Variants in CDH13 observed in about 807,000 individuals in gnomAD.
The protein encoded by CDH13 is cadherin 13.
CDH13 carries 24 observed loss-of-function variants against 63.8 expected under a neutral mutation model. The ratio of observed to expected loss-of-function variants is 0.38; its 90% CI spans 0.27 to 0.53. The LOEUF is 0.53. CDH13 is among the 20% of genes least tolerant of loss of function. The probability of loss-of-function intolerance (pLI) is 0.85; values close to 1 mark genes in which losing one functional copy is unlikely to be tolerated. For missense variants in CDH13, 1,049 were observed against 903.1 expected (o/e 1.16, Z -2.07); for synonymous variants, 503 against 355.3 (o/e 1.42, Z -4.67).
chr16:83,252,834 A>T (rs1187433671), intron 5 of CDH13, among the ~76,000 whole-genome samples: 1 of 152,130 alleles, frequency 6.6e-6, no homozygotes, highest in Non-Finnish European at 1.5e-5. Flanking sequence ...CCAAAAATCC[A>T]TACCATCAAG....
chr16:82,770,824 C>T (rs879723139), intron 1 of CDH13, among the ~76,000 whole-genome samples: 1 of 152,164 alleles, frequency 6.6e-6, no homozygotes, highest in Admixed American at 6.5e-5. Flanking sequence ...TCGCCTGCCT[C>T]AGCCTCCCGA....
intron 2 of CDH13, among the ~76,000 whole-genome samples, chr16:82,890,645 A>G (rs1264692233): frequency 1.5e-5 from 2 of 133,656 alleles, no homozygotes; most frequent in East Asian, 4.8e-4. Flanking sequence ...AGCATGAGAG[A>G]CATTCTTTTT....
Position 83,191,542 on chromosome 16 carries a change from T to C in CDH13, c.484-25803T>C, listed in dbSNP as rs1343840778. On this transcript the variant is annotated intron_variant, in intron 4 of 13. Coordinates refer to ENST00000567109, the MANE Select transcript of CDH13 (RefSeq NM_001257.5). ...ACACACACACACACATATATATATA[T>C]ATATATATATATATACACACACACA... 1.5e-3 allele frequency among the ~76,000 whole-genome samples: 208 copies of C among 139,440 alleles called. 1 individual carries two copies. The highest frequency in any genetic ancestry group is 4.6e-3 in the South Asian group (20 of 4,354). 91.5% of individuals were successfully genotyped at this position (139,440 alleles called of 152,430 possible).
intron 2 of CDH13, among the ~76,000 whole-genome samples, chr16:82,892,648 C>G (rs1356207289): frequency 1.3e-5 from 2 of 152,150 alleles, no homozygotes; most frequent in African/African-American, 4.8e-5. Context: ...AGAAGTATAA[C>G]AAAACCACTG....
chr16:82,991,546 C>G (rs958545196), intron 2 of CDH13, among the ~76,000 whole-genome samples: 2 of 152,204 alleles, frequency 1.3e-5, no homozygotes, highest in Middle Eastern at 3.4e-3. Context: ...TATAAAACAA[C>G]CAGACTACTG....
chr16:82,809,202 T>C (rs1010223905), intron 1 of CDH13, among the ~76,000 whole-genome samples: 23 of 152,150 alleles, frequency 1.5e-4, no homozygotes, highest in African/African-American at 4.6e-4. Flanking sequence ...CTGTCACCAG[T>C]GTTTCGTGTC....
intron 11 of CDH13, among the ~76,000 whole-genome samples, chr16:83,761,472 A>G (rs901461204): frequency 6.6e-6 from 1 of 152,228 alleles, no homozygotes; most frequent in South Asian, 2.1e-4. Context: ...ACTCCAGCGC[A>G]GGCATGTAGT....
chr16:83,022,463 G>A (rs1290031084), intron 2 of CDH13, among the ~76,000 whole-genome samples: 1 of 152,200 alleles, frequency 6.6e-6, no homozygotes, highest in Non-Finnish European at 1.5e-5. Context: ...AAAGTTGCAA[G>A]CCAACTGAAG....
intron 7 of CDH13, among the ~76,000 whole-genome samples, chr16:83,530,720 C>A (rs1428286227): frequency 6.6e-6 from 1 of 152,214 alleles, no homozygotes; most frequent in Non-Finnish European, 1.5e-5. Flanking sequence ...CTGAGGTTCA[C>A]AGAGGGACAG....
At chr16:83,610,628 A>G (rs1271246466) in intron 8 of CDH13, among the ~76,000 whole-genome samples, 1 of 152,132 alleles carries the variant, frequency 6.6e-6, no homozygotes, top group East Asian at 1.9e-4. Flanking sequence ...AACTTTTGTG[A>G]GACTTATCTA....
intron 1 of CDH13, among the ~76,000 whole-genome samples, chr16:82,687,934 C>T (rs1319542319): frequency 6.6e-6 from 1 of 152,154 alleles, no homozygotes; most frequent in Non-Finnish European, 1.5e-5. Flanking sequence ...TGGACTCAGA[C>T]ATGCTTGGGA....
At position 83,036,604 on chromosome 16, in the gene CDH13, C is replaced by A. The variant is rs137957141; in HGVS notation, c.366+4386C>A. ...TTGTCAGGACCAGCTCAGTGCCCTT[C>A]CCACTTTCCCTCTTCCCGTGGCTGA... On this transcript the variant is annotated intron_variant, in intron 3 of 13. Transcript: ENST00000567109. Among the ~76,000 whole-genome samples, 414 of 152,262 alleles carry A rather than the reference C, an allele frequency of 2.7e-3. 1 individual carries two copies. Among genetic ancestry groups the A allele is most frequent in the African/African-American group, 9.1e-3 (377 of 41,558 alleles).
intron 10 of CDH13, among the ~76,000 whole-genome samples, chr16:83,696,505 G>C (rs2150900879): frequency 6.6e-6 from 1 of 152,310 alleles, no homozygotes; most frequent in South Asian, 2.1e-4. Context: ...ACTCCCACCA[G>C]GGAGTTCACT....
intron 1 of CDH13, among the ~76,000 whole-genome samples, chr16:82,700,723 C>A (rs1428523155): frequency 6.6e-6 from 1 of 151,962 alleles, no homozygotes; most frequent in African/African-American, 2.4e-5. Flanking sequence ...TGAGTCTCAC[C>A]CTCCTCTTTG....
chr16:82,696,966 G>A (rs570913885), intron 1 of CDH13, among the ~76,000 whole-genome samples: 1 of 152,266 alleles, frequency 6.6e-6, no homozygotes, highest in African/African-American at 2.4e-5. Flanking sequence ...CTCTGCATAG[G>A]ACTCTTAAGG....
At position 83,323,218 on chromosome 16, in the gene CDH13, C is replaced by T. The variant is rs868589050; in HGVS notation, c.637-21644C>T. 8.7e-4 allele frequency among the ~76,000 whole-genome samples: 125 copies of T among 143,292 alleles called. 1 individual carries two copies. The highest frequency in any genetic ancestry group is 3.2e-3 in the African/African-American group (123 of 37,992). 94.0% of individuals were successfully genotyped at this position (143,292 alleles called of 152,430 possible). On this transcript the variant is annotated intron_variant, in intron 5 of 13. Transcript: ENST00000567109. Reference sequence around the variant, plus strand: ...TCTTTCTTTCTTTCTTTCTTTCTTTCTTTCTTTCTTTCTTTCTTTCTTTCC... The same window carrying T: ...TCTTTCTTTCTTTCTTTCTTTCTTTTTTTCTTTCTTTCTTTCTTTCTTTCC...
At chr16:83,666,543 G>A (rs2150847386) in intron 8 of CDH13, among the ~76,000 whole-genome samples, 1 of 152,264 alleles carries the variant, frequency 6.6e-6, no homozygotes, top group African/African-American at 2.4e-5. Context: ...CCTTCCCATG[G>A]CCCACAGGGC....
chr16:83,541,005 A>T (rs948292117), intron 7 of CDH13, among the ~76,000 whole-genome samples: 2 of 152,128 alleles, frequency 1.3e-5, no homozygotes, highest in African/African-American at 4.8e-5. Flanking sequence ...CAGGGTGAAA[A>T]GATGTAGAAA....
intron 7 of CDH13, among the ~76,000 whole-genome samples, chr16:83,522,815 C>T (rs1048252385): frequency 4.6e-5 from 7 of 152,116 alleles, no homozygotes; most frequent in Admixed American, 3.3e-4. Flanking sequence ...GCTCTGACCT[C>T]CACCTATAGG....
Sources: gnomAD v4.1 joint callset for allele counts (sites outside exome capture counted in the v4.1 genomes callset) on GRCh38, gnomAD v4.1.1 for gene constraint, MANE v1.5 for transcripts, NCBI Gene and HGNC (gene_info 2026-07-23, HGNC 2026-07-21) for gene names.